The following TSHZ1 variants were observed in gnomAD, a reference collection of about 807,000 sequenced individuals.
The protein encoded by TSHZ1 is teashirt homolog 1.
In TSHZ1, 12 loss-of-function variants were observed where a neutral mutation model predicts 67.1. The ratio of observed to expected loss-of-function variants is 0.18; its 90% CI spans 0.11 to 0.29. The LOEUF (loss-of-function observed/expected upper bound fraction) is 0.29, where lower values mean the gene tolerates loss of function less well. Among genes scored for constraint, TSHZ1 ranks in the 10% least tolerant of loss-of-function variants. The pLI is 1.00. For missense variants in TSHZ1, 1,305 were observed against 1,413.9 expected (o/e 0.92, Z 1.23); for synonymous variants, 632 against 622.4 (o/e 1.02, Z -0.23).
intron 1 of TSHZ1, among the ~76,000 whole-genome samples, chr18:75,242,068 A>G (rs949714027): frequency 2.0e-5 from 3 of 151,594 alleles, no homozygotes; most frequent in Non-Finnish European, 4.4e-5. Flanking sequence ...CATGAGAGAT[A>G]CCAAAGGACA....
At position 75,287,941 on chromosome 18, in the gene TSHZ1, A is replaced by G. The variant is rs1340724137; in HGVS notation, c.2534A>G (p.Lys845Arg). ...SALMDISDMV[K>R]NLTGRLTPKS... ...CTCATGGACATCTCCGACATGGTGAAAAACCTCACAGGCCGCCTGACGCCC... is the reference window on the plus strand; with the variant it reads ...CTCATGGACATCTCCGACATGGTGAGAAACCTCACAGGCCGCCTGACGCCC... The change falls in exon 2 of 2, where the codon AAA becomes AGA. Residue 845 changes from lysine (K) to arginine (R), a missense_variant. Physicochemically the swap from Lys to Arg is conservative, Grantham distance 26 (BLOSUM62 2). This residue lies in a region of TSHZ1 where 909 missense variants were observed against 961.8 expected (regional missense o/e 0.95). Transcript: ENST00000580243. This position sits in a 1 kb window ranked among gnomAD's most constrained non-coding sequence, Gnocchi z 5.0. 2.5e-6 allele frequency: 4 copies of G among 1,614,102 alleles called. No individual in the cohort carries two copies. The highest frequency in any genetic ancestry group is 3.4e-6 in the Non-Finnish European group (4 of 1,180,052).
chr18:75,223,735 C>G (rs531387406), intron 1 of TSHZ1, among the ~76,000 whole-genome samples: 6 of 152,160 alleles, frequency 3.9e-5, no homozygotes, highest in Admixed American at 6.5e-5. Flanking sequence ...CTCTGCAGCC[C>G]TGGCCCTGCA....
intron 1 of TSHZ1, chr18:75,280,681 C>A: frequency 7.6e-6 from 7 of 921,730 alleles, no homozygotes; most frequent in Non-Finnish European, 9.1e-6. Context: ...AAAGGTGTTT[C>A]AGTGATAACT....
At chr18:75,265,193 C>A (rs6566070) in intron 1 of TSHZ1, among the ~76,000 whole-genome samples, 87,168 of 152,068 alleles carry the variant, frequency 0.57, 25,149 homozygotes, top group South Asian at 0.69. Flanking sequence ...AGAAAAAAGA[C>A]TTTTAAGAGA....
chr18:75,261,332 C>T (rs1267572309), intron 1 of TSHZ1, among the ~76,000 whole-genome samples: 5 of 152,192 alleles, frequency 3.3e-5, no homozygotes, highest in Non-Finnish European at 7.3e-5. Context: ...TTATGGCCTT[C>T]CCAGGGTGAT....
rs2022682807 is a variant in TSHZ1, at chr18:75,211,455, C to G, written c.-422C>G. 1 of 150,810 alleles carries G rather than the reference C, an allele frequency of 6.6e-6. No homozygotes were observed. The highest frequency in any genetic ancestry group is 1.5e-5 in the Non-Finnish European group (1 of 67,530). The allele number at this position is 150,810 out of a possible 1,614,324, so 9.3% of individuals were successfully genotyped here. On this transcript the variant is annotated 5_prime_UTR_variant, in exon 1 of 2. Transcript: ENST00000580243. ...GCGACTCTCGGCTCGCGGAAGAAGG[C>G]GCAGGGGAGCGCCCGGAGCGGCGCG...
intron 1 of TSHZ1, among the ~76,000 whole-genome samples, chr18:75,277,115 AAAG>A (rs1273361182): frequency 6.6e-6 from 1 of 152,208 alleles, no homozygotes; most frequent in African/African-American, 2.4e-5. Flanking sequence ...GGCACGGGGA[AAAG>A]AAGAACAAGA....
At chr18:75,238,025 T>G (rs1284630624) in intron 1 of TSHZ1, among the ~76,000 whole-genome samples, 1 of 152,156 alleles carries the variant, frequency 6.6e-6, no homozygotes, top group African/African-American at 2.4e-5. Flanking sequence ...TTGGTCAGGC[T>G]GGGCACCTCA....
chr18:75,212,404 C>T (rs1568349763), intron 1 of TSHZ1, among the ~76,000 whole-genome samples: 1 of 94,498 alleles, frequency 1.1e-5, no homozygotes, highest in African/African-American at 3.2e-5. Flanking sequence ...AGGCCCCCCG[C>T]CCCCACTTTT....
intron 1 of TSHZ1, among the ~76,000 whole-genome samples, chr18:75,236,256 C>T (rs954535483): frequency 2.6e-5 from 4 of 152,162 alleles, no homozygotes; most frequent in Admixed American, 1.3e-4. Flanking sequence ...GACCTTCCCA[C>T]GAGCCATCAC....
chr18:75,245,787 T>C (rs1376079214), intron 1 of TSHZ1, among the ~76,000 whole-genome samples: 1 of 152,210 alleles, frequency 6.6e-6, no homozygotes, highest in Non-Finnish European at 1.5e-5. Flanking sequence ...ATAAAGTCAC[T>C]GTCAGTTTCT....
At chr18:75,262,570 T>A (rs534327120) in intron 1 of TSHZ1, among the ~76,000 whole-genome samples, 51 of 152,288 alleles carry the variant, frequency 3.3e-4, no homozygotes, top group Non-Finnish European at 6.6e-4. Flanking sequence ...GAAAATAGTA[T>A]TTATTCTCTA....
At chr18:75,225,446 C>T (rs530951942) in intron 1 of TSHZ1, among the ~76,000 whole-genome samples, 105 of 152,344 alleles carry the variant, frequency 6.9e-4, no homozygotes, top group African/African-American at 2.3e-3. Context: ...GGCCTGTCCA[C>T]GCCGCTTTCT....
chr18:75,271,111 G>T (rs1160843595), intron 1 of TSHZ1, among the ~76,000 whole-genome samples: 1 of 152,194 alleles, frequency 6.6e-6, no homozygotes, highest in Non-Finnish European at 1.5e-5. Context: ...GCATTCTCCA[G>T]GAATCCCACT....
intron 1 of TSHZ1, among the ~76,000 whole-genome samples, chr18:75,226,029 A>G (rs1250168430): frequency 6.6e-6 from 1 of 152,204 alleles, no homozygotes; most frequent in African/African-American, 2.4e-5. Flanking sequence ...TCCCCTTAGC[A>G]GGCATCAGAT....
chr18:75,241,636 CT>C (rs2023158105), intron 1 of TSHZ1, among the ~76,000 whole-genome samples: 1 of 152,172 alleles, frequency 6.6e-6, no homozygotes, highest in Non-Finnish European at 1.5e-5. Context: ...CAACTTCTTC[CT>C]TATTTAGTGA....
intron 1 of TSHZ1, among the ~76,000 whole-genome samples, chr18:75,280,513 G>T (rs973239324): frequency 6.6e-6 from 1 of 152,160 alleles, no homozygotes. Context: ...ATGTTAATGA[G>T]ACAAAAGAAA....
chr18:75,214,087 T>C (rs2581651), intron 1 of TSHZ1, among the ~76,000 whole-genome samples: 31,457 of 152,180 alleles, frequency 0.21, 4,900 homozygotes, highest in African/African-American at 0.44. Flanking sequence ...TTATCTCTAC[T>C]TTGATTCCAA....
chr18:75,259,649 T>C (rs2023405957), intron 1 of TSHZ1, among the ~76,000 whole-genome samples: 1 of 152,202 alleles, frequency 6.6e-6, no homozygotes, highest in Non-Finnish European at 1.5e-5. Context: ...GTTATGATTG[T>C]CCTATTTTAT....
Sources: gnomAD v4.1 joint callset for allele counts (sites outside exome capture counted in the v4.1 genomes callset) on GRCh38, gnomAD v4.1.1 for gene constraint, gnomAD v4.1.1 regional missense constraint, Gnocchi (gnomAD v3.1) non-coding constraint, MANE v1.5 for transcripts, NCBI Gene and HGNC (gene_info 2026-07-23, HGNC 2026-07-21) for gene names.